The following MITF variants were observed in gnomAD, a reference collection of about 807,000 sequenced individuals.
MITF encodes melanocyte inducing transcription factor, also known as microphthalmia-associated transcription factor.
Under a neutral mutation model 60.5 loss-of-function variants are expected in MITF, and 17 were observed. The observed-to-expected ratio is 0.28, with a 90% CI of 0.19 to 0.42. The LOEUF (loss-of-function observed/expected upper bound fraction) is 0.42. Among genes scored for constraint, MITF ranks in the 10% least tolerant of loss-of-function variants. The pLI is 1.00. For missense variants in MITF, 622 were observed against 683.5 expected (o/e 0.91, Z 1.00); for synonymous variants, 260 against 248.5 (o/e 1.05, Z -0.43).
chr3:69,840,832 C>A (rs1024737645), intron 1 of MITF, among the ~76,000 whole-genome samples: 1 of 151,570 alleles, frequency 6.6e-6, no homozygotes, highest in African/African-American at 2.4e-5. Flanking sequence ...CAGCTCACTG[C>A]AACCTCTCTG....
At chr3:69,749,003 C>G (rs1419203589) in intron 1 of MITF, among the ~76,000 whole-genome samples, 1 of 152,180 alleles carries the variant, frequency 6.6e-6, no homozygotes, top group Non-Finnish European at 1.5e-5. Context: ...TTCCTAAATA[C>G]TAACTGATTC....
At chr3:69,964,431 C>A (rs1486681250) in intron 9 of MITF, among the ~76,000 whole-genome samples, 1 of 95,000 alleles carries the variant, frequency 1.1e-5, no homozygotes, top group Non-Finnish European at 2.2e-5. Flanking sequence ...ACATACAGAG[C>A]TCATTAATTT....
At chr3:69,779,319 A>G (rs1003208174) in intron 1 of MITF, among the ~76,000 whole-genome samples, 1 of 152,202 alleles carries the variant, frequency 6.6e-6, no homozygotes, top group African/African-American at 2.4e-5. Context: ...TTACATCCTT[A>G]CTACAAACAT....
intron 1 of MITF, among the ~76,000 whole-genome samples, chr3:69,761,569 A>G (rs2062212832): frequency 6.6e-6 from 1 of 152,174 alleles, no homozygotes; most frequent in East Asian, 1.9e-4. Context: ...TTTTGAATGG[A>G]AAGGAGACTA....
At chr3:69,919,917 C>T (rs922450777) in intron 2 of MITF, among the ~76,000 whole-genome samples, 3 of 151,098 alleles carry the variant, frequency 2.0e-5, no homozygotes, top group African/African-American at 7.3e-5. Flanking sequence ...GGCAAGAGAC[C>T]GAGGACACCA....
intron 1 of MITF, among the ~76,000 whole-genome samples, chr3:69,797,069 AT>A: frequency 6.6e-6 from 1 of 152,328 alleles, no homozygotes; most frequent in East Asian, 1.9e-4. Flanking sequence ...TTTATAAATT[AT>A]TTTTAATGGG....
intron 1 of MITF, among the ~76,000 whole-genome samples, chr3:69,789,462 G>A (rs2116000): frequency 0.51 from 78,152 of 151,978 alleles, 21,724 homozygotes; most frequent in Non-Finnish European, 0.64. Context: ...TCATTAGGAT[G>A]GCTACTATTA....
intron 1 of MITF, among the ~76,000 whole-genome samples, chr3:69,865,734 A>G (rs567861560): frequency 5.9e-5 from 9 of 152,244 alleles, no homozygotes; most frequent in Admixed American, 5.2e-4. Context: ...GTCAGCAAGG[A>G]GGGCATATTC....
chr3:69,756,895 C>A (rs914745306), intron 1 of MITF, among the ~76,000 whole-genome samples: 2 of 152,244 alleles, frequency 1.3e-5, no homozygotes, highest in East Asian at 1.9e-4. Context: ...TGATGATGAT[C>A]TTTTTTAAAT....
chr3:69,919,017 T>C (rs992046776), intron 2 of MITF, among the ~76,000 whole-genome samples: 1 of 152,232 alleles, frequency 6.6e-6, no homozygotes, highest in African/African-American at 2.4e-5. Flanking sequence ...TCTTTCTCTG[T>C]CTCTTCTCGC....
At chr3:69,840,132 A>G (rs2107135849) in intron 1 of MITF, among the ~76,000 whole-genome samples, 1 of 152,352 alleles carries the variant, frequency 6.6e-6, no homozygotes, top group Non-Finnish European at 1.5e-5. Context: ...GCTAAGGGTC[A>G]GTCCAGACCA....
chr3:69,740,551 C>CT (rs1675633519), intron 1 of MITF, among the ~76,000 whole-genome samples: 1 of 152,168 alleles, frequency 6.6e-6, no homozygotes, highest in Admixed American at 6.5e-5. Context: ...TTGAGCCACC[C>CT]TTTTTGCTGC....
At chr3:69,809,607 A>T (rs1166400815) in intron 1 of MITF, among the ~76,000 whole-genome samples, 2 of 151,918 alleles carry the variant, frequency 1.3e-5, no homozygotes, top group Admixed American at 6.6e-5. Context: ...ATGTGTATAA[A>T]CATCAATGAA....
At chr3:69,955,306 G>T (rs2066368442) in intron 7 of MITF, among the ~76,000 whole-genome samples, 1 of 152,094 alleles carries the variant, frequency 6.6e-6, no homozygotes, top group Admixed American at 6.5e-5. Context: ...ATTTGTAAAT[G>T]TTTACGTTGA....
rs2066691840 is a variant in MITF, at chr3:69,966,416, TAGGTTAAAACC to T, written c.*1172_*1182del. 4.3e-6 allele frequency: 1 copy of T among 232,778 alleles called. No homozygotes were observed. Among genetic ancestry groups the T allele is most frequent in the African/African-American group, 2.2e-5 (1 of 45,334 alleles). 14.4% of individuals were successfully genotyped at this position (232,778 alleles called of 1,614,324 possible). A position where few individuals can be genotyped will look rare whatever the true frequency, so the allele number is the denominator to read the frequency against. On this transcript the variant is annotated 3_prime_UTR_variant, in exon 10 of 10. Coordinates refer to ENST00000352241, the MANE Select transcript of MITF (RefSeq NM_001354604.2). Reference sequence around the variant, plus strand: ...GGACACATTTAAGGTGTAGTATTAATAGGTTAAAACCAGGCTTTCTAGAAAGAATAAACTTA... The same window carrying T: ...GGACACATTTAAGGTGTAGTATTAATAGGCTTTCTAGAAAGAATAAACTTA...
intron 2 of MITF, among the ~76,000 whole-genome samples, chr3:69,931,955 G>T (rs2107462003): frequency 6.6e-6 from 1 of 152,316 alleles, no homozygotes. Flanking sequence ...GCTTTAAAAA[G>T]GGTGGGGGGT....
At chr3:69,880,517 G>C (rs2107282976) in intron 2 of MITF, among the ~76,000 whole-genome samples, 1 of 152,190 alleles carries the variant, frequency 6.6e-6, no homozygotes, top group South Asian at 2.1e-4. Flanking sequence ...TTAGCATAAA[G>C]TTTTACTCTA....
chr3:69,764,321 T>G (rs982387038), intron 1 of MITF, among the ~76,000 whole-genome samples: 3 of 152,218 alleles, frequency 2.0e-5, no homozygotes, highest in Non-Finnish European at 4.4e-5. Context: ...CAGTTGTCCT[T>G]CTGTCATTCT....
intron 2 of MITF, among the ~76,000 whole-genome samples, chr3:69,891,393 G>T (rs1314571189): frequency 6.6e-6 from 1 of 152,136 alleles, no homozygotes; most frequent in African/African-American, 2.4e-5. Context: ...AACCTCAAAT[G>T]GTGGAAAGCA....
Sources: allele counts gnomAD v4.1 joint callset (sites outside exome capture counted in the v4.1 genomes callset), GRCh38; gene constraint gnomAD v4.1.1; transcripts MANE v1.5; gene names NCBI Gene and HGNC (gene_info 2026-07-23, HGNC 2026-07-21).